NIBAN1: variants seen among roughly 807,000 people sequenced by gnomAD.
The protein encoded by NIBAN1 is niban apoptosis regulator 1.
A neutral mutation model predicts 75.1 loss-of-function variants in NIBAN1; 81 were observed. That is an observed-to-expected ratio of 1.08 (90% CI 0.90 to 1.30). NIBAN1 has a LOEUF of 1.30. Among genes scored for constraint, NIBAN1 ranks in the 50% most tolerant of loss-of-function variants. NIBAN1 has a pLI of 0.00. For missense variants in NIBAN1, 1,133 were observed against 1,128.1 expected (o/e 1.00, Z -0.06); for synonymous variants, 436 against 424.8 (o/e 1.03, Z -0.32).
At chr1:184,821,882 C>T (rs913096435) in intron 8 of NIBAN1, among the ~76,000 whole-genome samples, 7 of 152,144 alleles carry the variant, frequency 4.6e-5, no homozygotes, top group African/African-American at 1.7e-4. Context: ...CACAGACACA[C>T]ACACCAGTGC....
chr1:184,912,881 T>C (rs1171508362), intron 1 of NIBAN1, among the ~76,000 whole-genome samples: 2 of 152,084 alleles, frequency 1.3e-5, no homozygotes, highest in African/African-American at 4.8e-5. Context: ...CAGCCCCACA[T>C]GAATGTAGAA....
In NIBAN1 at chr1:184,867,939, T is replaced by C. The variant is rs571859404; in HGVS notation, c.601+16694A>G. ...TGTCCCGTGTCACACAACGGGACAG[T>C]GTGGCAGTCTAATAGTTTCTAGGGA... On this transcript the variant is annotated intron_variant, in intron 5 of 13. Coordinates refer to ENST00000367511, the MANE Select transcript of NIBAN1 (RefSeq NM_052966.4). 5 of 985,394 alleles carry C rather than the reference T, an allele frequency of 5.1e-6. No homozygotes were observed. In the African/African-American group the frequency reaches 8.7e-5, roughly 17 times the overall value. 61.0% of individuals were successfully genotyped at this position (985,394 alleles called of 1,614,324 possible). A position where few individuals can be genotyped will look rare whatever the true frequency, so the allele number is the denominator to read the frequency against.
At chr1:184,897,221 C>T (rs1656822205) in intron 2 of NIBAN1, among the ~76,000 whole-genome samples, 1 of 150,686 alleles carries the variant, frequency 6.6e-6, no homozygotes, top group Admixed American at 6.6e-5. Flanking sequence ...TTTCTTTCAT[C>T]CGTGTTTTGT....
At chr1:184,864,734 T>C (rs1028514350) in intron 5 of NIBAN1, among the ~76,000 whole-genome samples, 1 of 151,988 alleles carries the variant, frequency 6.6e-6, no homozygotes, top group African/African-American at 2.4e-5. Context: ...AGGAACTTAA[T>C]TGAACAAGCA....
chr1:184,932,464 G>A (rs1657849531), intron 1 of NIBAN1, among the ~76,000 whole-genome samples: 1 of 152,142 alleles, frequency 6.6e-6, no homozygotes, highest in Non-Finnish European at 1.5e-5. Context: ...GCTCCTATAA[G>A]AATCTAATGC....
At position 184,831,837 on chromosome 1, in the gene NIBAN1, C is replaced by T. The variant is rs751227702; in HGVS notation, c.717+10G>A. 6.2e-7 allele frequency: 1 copy of T among 1,603,316 alleles called. No homozygotes were observed. Among genetic ancestry groups the T allele is most frequent in the Non-Finnish European group, 8.5e-7 (1 of 1,171,042 alleles). ...ACAGAGAGAATCCAAAATTTTGAAC[C>T]CCATATTACCTGGATTTCATCCCCA... On this transcript the variant is annotated intron_variant, in intron 6 of 13. Coordinates refer to ENST00000367511, the MANE Select transcript of NIBAN1 (RefSeq NM_052966.4).
intron 12 of NIBAN1, among the ~76,000 whole-genome samples, 177 bp downstream of exon 12, chr1:184,803,408 G>A (rs1654100274): frequency 6.6e-6 from 1 of 152,230 alleles, no homozygotes; most frequent in Non-Finnish European, 1.5e-5. Flanking sequence ...CTGAATAGTT[G>A]CAACAGAAAT....
Position 184,974,371 on chromosome 1 carries a change from T to G in NIBAN1, c.-15A>C, listed in dbSNP as rs1005835098. ...GAGCCGCCCATGACCGCGAGCTGCC[T>G]GTGCTGAGCGCGGAAACTGCCCGGT... On this transcript the variant is annotated 5_prime_UTR_variant, in exon 1 of 14. Coordinates refer to ENST00000367511, the MANE Select transcript of NIBAN1 (RefSeq NM_052966.4). 1.9e-6 allele frequency: 3 copies of G among 1,550,284 alleles called. No individual in the cohort carries two copies. The highest frequency in any genetic ancestry group is 2.6e-6 in the Non-Finnish European group (3 of 1,154,318).
In NIBAN1 at chr1:184,884,658, A is replaced by G. The variant is rs1228250158; in HGVS notation, c.576T>C (p.Ser192=). 9 of 1,614,138 alleles carry G rather than the reference A, an allele frequency of 5.6e-6. No individual in the cohort carries two copies. In the South Asian group the frequency reaches 8.8e-5, roughly 16 times the overall value. Reference sequence around the variant, plus strand: ...CATGATTGAGATGCCTGACGCAGTCACTCAGGAGGGCACTAAACCTCTTCT... The same window carrying G: ...CATGATTGAGATGCCTGACGCAGTCGCTCAGGAGGGCACTAAACCTCTTCT... ...ADQKRFSALL[S]DCVRHLNHDY... is the part of the protein sequence containing the mutation. Residue 192 remains serine, a synonymous_variant, in exon 5 of 14, where the codon AGT becomes AGC. Transcript: ENST00000367511.
At chr1:184,801,840 G>A (rs998648250) in intron 12 of NIBAN1, among the ~76,000 whole-genome samples, 7 of 152,204 alleles carry the variant, frequency 4.6e-5, no homozygotes, top group East Asian at 1.9e-4. Context: ...GTGGGAAGGA[G>A]TACTTTCTAT....
At chr1:184,931,779 T>C (rs982893934) in intron 1 of NIBAN1, among the ~76,000 whole-genome samples, 2 of 152,130 alleles carry the variant, frequency 1.3e-5, no homozygotes, top group Non-Finnish European at 2.9e-5. Flanking sequence ...AGGCAGGAAA[T>C]GTCAAAGCAA....
At chr1:184,878,022 A>T (rs1483958962) in intron 5 of NIBAN1, among the ~76,000 whole-genome samples, 1 of 152,046 alleles carries the variant, frequency 6.6e-6, no homozygotes, top group Non-Finnish European at 1.5e-5. Flanking sequence ...AGACCTTCAT[A>T]CCAAATAACT....
chr1:184,930,997 C>CTTTTTTCTTTTTT (rs1553229154), intron 1 of NIBAN1, among the ~76,000 whole-genome samples: 1 of 114,554 alleles, frequency 8.7e-6, no homozygotes, highest in African/African-American at 4.5e-5. Flanking sequence ...TTTTCTTCTT[C>CTTTTTTCTTTTTT]TTTTTTTTTT....
chr1:184,829,283 AC>A (rs1654930021), intron 6 of NIBAN1, among the ~76,000 whole-genome samples: 1 of 151,988 alleles, frequency 6.6e-6, no homozygotes, highest in African/African-American at 2.4e-5. Context: ...ATATACATAT[AC>A]CCCACACACA....
chr1:184,930,550 T>C (rs1259776040), intron 1 of NIBAN1, among the ~76,000 whole-genome samples: 1 of 152,228 alleles, frequency 6.6e-6, no homozygotes, highest in Non-Finnish European at 1.5e-5. Context: ...TTTCAACATA[T>C]GCTTTCCTGT....
intron 1 of NIBAN1, among the ~76,000 whole-genome samples, chr1:184,931,763 GAAGA>G (rs1657831046): frequency 6.6e-6 from 1 of 152,206 alleles, no homozygotes; most frequent in African/African-American, 2.4e-5. Flanking sequence ...AAATATCCCA[GAAGA>G]AAGGCAGGAA....
chr1:184,852,273 T>A (rs1655561592), intron 5 of NIBAN1, among the ~76,000 whole-genome samples: 1 of 152,222 alleles, frequency 6.6e-6, no homozygotes, highest in South Asian at 2.1e-4. Context: ...CCTGGAACAC[T>A]TTTGAGGTTT....
rs372702369 is a variant in NIBAN1, at chr1:184,838,904, T to C, written c.602-6942A>G. ...TGTGAAAGTTATGTAACAGCATTAC[T>C]CACTATGCTGCTACGGGGCTCATCT... On this transcript the variant is annotated intron_variant, in intron 5 of 13. Coordinates refer to ENST00000367511, the MANE Select transcript of NIBAN1 (RefSeq NM_052966.4). 2.7e-4 allele frequency among the ~76,000 whole-genome samples: 41 copies of C among 152,334 alleles called. 1 individual carries two copies. The East Asian group carries it at 6.4e-3, about 24-fold the overall frequency.
chr1:184,808,222 A>G lies in NIBAN1; in HGVS notation c.1187T>C (p.Leu396Pro). ...CACGGAATGCAGCGGAAGATTCATA[A>G]GCCGGTCTAGATGCTGCATTTTGGT... ...SVQLKEHLDR[L>P]MNLPLHSVKM... Residue 396 changes from leucine (L) to proline (P), a missense_variant, in exon 10 of 14, where the codon CTT (leucine) becomes CCT (proline). Coordinates refer to ENST00000367511, the MANE Select transcript of NIBAN1 (RefSeq NM_052966.4). 6.2e-7 allele frequency: 1 copy of G among 1,614,100 alleles called. No homozygotes were observed. The highest frequency in any genetic ancestry group is 8.5e-7 in the Non-Finnish European group (1 of 1,179,944).
Sources: allele counts gnomAD v4.1 joint callset (sites outside exome capture counted in the v4.1 genomes callset), GRCh38; gene constraint gnomAD v4.1.1; transcripts MANE v1.5; gene names NCBI Gene and HGNC (gene_info 2026-07-23, HGNC 2026-07-21).